TNIK: variants seen among roughly 807,000 people sequenced by gnomAD.
The protein encoded by TNIK is TRAF2 and NCK-interacting protein kinase.
Under a neutral mutation model 191.3 loss-of-function variants are expected in TNIK, and 49 were observed. The ratio of observed to expected loss-of-function variants is 0.26; its 90% CI spans 0.20 to 0.32. TNIK has a LOEUF of 0.32. Ranked by LOEUF, TNIK falls within the 10% of genes least tolerant of loss-of-function variation. TNIK has a pLI of 1.00. For missense variants in TNIK, 1,155 were observed against 1,702.3 expected (o/e 0.68, Z 5.66); for synonymous variants, 594 against 600.9 (o/e 0.99, Z 0.17).
At chr3:171,117,234 T>C (rs1170929982) in intron 18 of TNIK, among the ~76,000 whole-genome samples, 3 of 152,164 alleles carry the variant, frequency 2.0e-5, no homozygotes, top group Admixed American at 6.5e-5. Flanking sequence ...AATGGTGCTG[T>C]GTCAGTCAAG....
chr3:171,175,231 A>G, intron 9 of TNIK, 21 bp downstream of exon 9: 1 of 1,608,178 alleles, frequency 6.2e-7, no homozygotes. Flanking sequence ...AGATCTGCGA[A>G]ACATCGAAGA....
At chr3:171,373,398 C>G (rs189247537) in intron 1 of TNIK, among the ~76,000 whole-genome samples, 1 of 152,226 alleles carries the variant, frequency 6.6e-6, no homozygotes, top group Non-Finnish European at 1.5e-5. Context: ...AAGTTTCCAC[C>G]CTTGTCCACC....
chr3:171,391,932 T>G lies in TNIK; in HGVS notation c.58-22247A>C, dbSNP rs566001763. ...TGTCACAAGACACCTGTAGGACAAT[T>G]TTTTTTGATGACCATAAGATGTAAA... On this transcript the variant is annotated intron_variant, in intron 1 of 32. Coordinates refer to ENST00000436636, the MANE Select transcript of TNIK (RefSeq NM_015028.4). Among the ~76,000 whole-genome samples the G allele has an allele frequency of 3.3e-5, 5 of 152,240 alleles. No individual in the cohort carries two copies. The East Asian group carries it at 9.6e-4, about 29-fold the overall frequency.
At chr3:171,295,029 A>AGGG (rs1752118786) in intron 2 of TNIK, among the ~76,000 whole-genome samples, 3 of 123,518 alleles carry the variant, frequency 2.4e-5, no homozygotes, top group Admixed American at 8.0e-5. Flanking sequence ...GAGAGAGAGG[A>AGGG]AAAAAAAAGA....
At chr3:171,428,548 C>T (rs73048558) in intron 1 of TNIK, among the ~76,000 whole-genome samples, 2 of 152,098 alleles carry the variant, frequency 1.3e-5, no homozygotes, top group African/African-American at 4.8e-5. Flanking sequence ...TCTTAATGCT[C>T]GACACTAAAT....
chr3:171,433,890 A>G (rs1389547863), intron 1 of TNIK, among the ~76,000 whole-genome samples: 1 of 116,428 alleles, frequency 8.6e-6, no homozygotes, highest in East Asian at 2.4e-4. Context: ...ATTTCTAGAT[A>G]TTTTACACTT....
intron 18 of TNIK, among the ~76,000 whole-genome samples, chr3:171,112,509 TAAGG>T (rs1176034680): frequency 6.6e-6 from 1 of 152,074 alleles, no homozygotes; most frequent in African/African-American, 2.4e-5. Context: ...AGGGAAAAAA[TAAGG>T]AAGGAACACA....
chr3:171,124,677 GCTA>G (rs779971672), intron 17 of TNIK, among the ~76,000 whole-genome samples: 26 of 152,208 alleles, frequency 1.7e-4, no homozygotes, highest in Non-Finnish European at 2.9e-4. Context: ...CCAAATCAAT[GCTA>G]CTACCTGTTC....
At chr3:171,362,806 G>A (rs574580060) in intron 2 of TNIK, among the ~76,000 whole-genome samples, 1 of 152,220 alleles carries the variant, frequency 6.6e-6, no homozygotes, top group African/African-American at 2.4e-5. Context: ...TCCAGCTCAG[G>A]CAGTCCTGCT....
chr3:171,447,646 GCTACACAC>G (rs1727671983), intron 1 of TNIK, among the ~76,000 whole-genome samples: 1 of 152,208 alleles, frequency 6.6e-6, no homozygotes, highest in Non-Finnish European at 1.5e-5. Flanking sequence ...ATTTATAAAT[GCTACACAC>G]CTACAGCACA....
intron 25 of TNIK, 134 bp downstream of exon 25, chr3:171,084,984 A>G: frequency 1.6e-6 from 1 of 618,742 alleles, no homozygotes; most frequent in Non-Finnish European, 2.6e-6. Flanking sequence ...TAATAATTTT[A>G]AAAAGTCTTC....
chr3:171,089,736 A>AT (rs1189156056), intron 23 of TNIK, among the ~76,000 whole-genome samples: 5 of 152,232 alleles, frequency 3.3e-5, no homozygotes, highest in Non-Finnish European at 5.9e-5. Context: ...TAAGAACCTC[A>AT]TTAACAGAAC....
At chr3:171,310,623 C>A (rs1291056713) in intron 2 of TNIK, among the ~76,000 whole-genome samples, 3 of 152,050 alleles carry the variant, frequency 2.0e-5, no homozygotes, top group Non-Finnish European at 4.4e-5. Flanking sequence ...AGTTTGGATT[C>A]ATTTGTTTCC....
chr3:171,325,444 T>A (rs1029444103), intron 2 of TNIK, among the ~76,000 whole-genome samples: 2 of 152,148 alleles, frequency 1.3e-5, no homozygotes, highest in Non-Finnish European at 2.9e-5. Context: ...GGAAACACAA[T>A]TAAATTTTAG....
intron 2 of TNIK, among the ~76,000 whole-genome samples, chr3:171,327,819 T>C (rs1335256165): frequency 1.4e-5 from 2 of 147,060 alleles, no homozygotes; most frequent in African/African-American, 5.0e-5. Flanking sequence ...CAGACCAAAC[T>C]GTTGCTCCAC....
At chr3:171,242,623 G>A (rs192536803) in intron 2 of TNIK, among the ~76,000 whole-genome samples, 77 of 151,984 alleles carry the variant, frequency 5.1e-4, no homozygotes, top group Admixed American at 2.0e-3. Flanking sequence ...TAAAATTGGC[G>A]CTCATATAAG....
intron 12 of TNIK, among the ~76,000 whole-genome samples, chr3:171,148,045 G>A (rs189948210): frequency 1.9e-3 from 292 of 151,814 alleles, no homozygotes; most frequent in African/African-American, 6.8e-3. Context: ...AGAACATTGG[G>A]AAAGCTAGAC....
chr3:171,264,936 G>C (rs1450957513), intron 2 of TNIK, among the ~76,000 whole-genome samples: 1 of 152,180 alleles, frequency 6.6e-6, no homozygotes, highest in African/African-American at 2.4e-5. Context: ...GGGTGGCGGG[G>C]CTCCCTTCAG....
At chr3:171,098,238 G>A (rs1049499028) in intron 22 of TNIK, among the ~76,000 whole-genome samples, 1 of 152,168 alleles carries the variant, frequency 6.6e-6, no homozygotes, top group African/African-American at 2.4e-5. Flanking sequence ...TGGCTTGCTT[G>A]ATGTGATGCA....
Sources: allele counts gnomAD v4.1 joint callset (sites outside exome capture counted in the v4.1 genomes callset), GRCh38; gene constraint gnomAD v4.1.1; transcripts MANE v1.5; gene names NCBI Gene and HGNC (gene_info 2026-07-23, HGNC 2026-07-21).